The following FRMPD4 variants were observed in gnomAD, a reference collection of about 807,000 sequenced individuals.
FRMPD4 encodes FERM and PDZ domain-containing protein 4.
In FRMPD4, 22 loss-of-function variants were observed where a neutral mutation model predicts 94.1. The ratio of observed to expected loss-of-function variants is 0.23; its 90% CI spans 0.17 to 0.33. The LOEUF (loss-of-function observed/expected upper bound fraction) is 0.33. Among genes scored for constraint, FRMPD4 ranks in the 10% least tolerant of loss-of-function variants. The pLI, the probability that FRMPD4 is intolerant of heterozygous loss-of-function variation, is 1.00. For missense variants in FRMPD4, 1,111 were observed against 1,339.9 expected (o/e 0.83, Z 2.67); for synonymous variants, 631 against 548.6 (o/e 1.15, Z -2.10).
intron 1 of FRMPD4, among the ~76,000 whole-genome samples, chrX:12,383,631 G>A (rs893689549): frequency 2.7e-5 from 3 of 111,556 alleles, no homozygotes; most frequent in Admixed American, 9.5e-5. Flanking sequence ...AGTTCAGCAC[G>A]ACGCCTAGCA....
At chrX:11,886,211 T>A (rs1365119117) in intron 3 of FRMPD4, among the ~76,000 whole-genome samples, 4 of 111,691 alleles carry the variant, frequency 3.6e-5, no homozygotes, top group Non-Finnish European at 7.5e-5. Flanking sequence ...TCCATTAATC[T>A]GTACTACCTA....
At chrX:12,054,535 T>C (rs1003013329) in intron 3 of FRMPD4, among the ~76,000 whole-genome samples, 89 of 111,501 alleles carry the variant, frequency 8.0e-4, no homozygotes, top group African/African-American at 2.7e-3. Context: ...TCTTTCCATT[T>C]TCCTTCCATA....
chrX:12,143,142 A>G (rs1255093131), intron 1 of FRMPD4, among the ~76,000 whole-genome samples: 12 of 112,138 alleles, frequency 1.1e-4, no homozygotes, highest in Non-Finnish European at 1.9e-5. Context: ...TTGTTTAAGC[A>G]TACCGTCCTG....
chrX:11,860,339 G>A (rs192208832), intron 1 of FRMPD4, among the ~76,000 whole-genome samples: 323 of 111,862 alleles, frequency 2.9e-3, no homozygotes, highest in Non-Finnish European at 4.7e-3. Flanking sequence ...TCATCTATGG[G>A]ATCTTGGCCT....
intron 2 of FRMPD4, among the ~76,000 whole-genome samples, chrX:12,552,695 TGTAAA>T (rs954450814): frequency 1.1e-4 from 12 of 112,337 alleles, no homozygotes; most frequent in African/African-American, 3.9e-4. Flanking sequence ...TCTATAACTA[TGTAAA>T]GTATTTACCT....
chrX:12,340,663 T>TA (rs67239524), intron 1 of FRMPD4, among the ~76,000 whole-genome samples: 7 of 111,172 alleles, frequency 6.3e-5, no homozygotes, highest in South Asian at 3.8e-4. Context: ...ATTTTAAAGA[T>TA]AAAAAAAATT....
intron 5 of FRMPD4, 37 bp downstream of exon 5, chrX:12,674,945 C>T: frequency 1.1e-6 from 1 of 913,074 alleles, no homozygotes; most frequent in Non-Finnish European, 1.6e-6. Flanking sequence ...ACTTAATGTT[C>T]TCAGGCTTCT....
intron 1 of FRMPD4, among the ~76,000 whole-genome samples, chrX:12,484,038 G>A (rs2057715572): frequency 9.0e-6 from 1 of 111,497 alleles, no homozygotes; most frequent in Non-Finnish European, 1.9e-5. Context: ...GACAGTAAGT[G>A]AATGAAATGC....
At chrX:12,290,249 A>T (rs923190592) in intron 1 of FRMPD4, among the ~76,000 whole-genome samples, 6 of 112,126 alleles carry the variant, frequency 5.4e-5, no homozygotes, top group African/African-American at 1.9e-4. Flanking sequence ...TGACTGATTT[A>T]GTCTGAGCCT....
rs184728424 is a variant in FRMPD4 at position 11,941,885 on chromosome X, T to C, written c.95+63867T>C. ...ACACTAGCTTCTAAGCCAGTGTTTG[T>C]GAGGCTAATAGGAGTCTTGTCAGTT... is the stretch of plus-strand genomic sequence containing the variant. On this transcript the variant is annotated intron_variant, in intron 3 of 18. Transcript: ENST00000640291. 3.5e-3 allele frequency among the ~76,000 whole-genome samples: 390 copies of C among 112,101 alleles called. 1 individual carries two copies. The highest frequency in any genetic ancestry group is 0.012 in the African/African-American group (378 of 30,839).
intron 1 of FRMPD4, among the ~76,000 whole-genome samples, chrX:12,234,833 C>T (rs2057053846): frequency 8.9e-6 from 1 of 112,054 alleles, no homozygotes; most frequent in South Asian, 3.7e-4. Flanking sequence ...GGATTGGACA[C>T]TGCTGGGGAG....
chrX:12,265,670 G>A lies in FRMPD4; in HGVS notation c.41+126658G>A, dbSNP rs1205770803. On this transcript the variant is annotated intron_variant, in intron 1 of 16. Coordinates refer to ENST00000675598, the MANE Select transcript of FRMPD4 (RefSeq NM_001368397.1). Reference sequence around the variant, plus strand: ...TAAGCAATATAAACAAATATGTCATGTGGATAGATGTTCCAATAATACTGT... The same window carrying A: ...TAAGCAATATAAACAAATATGTCATATGGATAGATGTTCCAATAATACTGT... Among the ~76,000 whole-genome samples, 7 of 109,213 alleles carry A rather than the reference G, an allele frequency of 6.4e-5. No individual in the cohort carries two copies. In the Admixed American group the frequency reaches 6.9e-4, roughly 11 times the overall value. The allele number at this position is 109,213 out of a possible 115,157, so 94.8% of individuals were successfully genotyped here.
intron 3 of FRMPD4, among the ~76,000 whole-genome samples, chrX:12,093,418 T>C (rs529286106): frequency 2.7e-5 from 3 of 110,397 alleles, no homozygotes; most frequent in East Asian, 5.7e-4. Context: ...TACTTGGGGG[T>C]TAGAAGAGTT....
chrX:11,954,324 T>C (rs374648802), intron 3 of FRMPD4, among the ~76,000 whole-genome samples: 1 of 111,647 alleles, frequency 9.0e-6, no homozygotes, highest in African/African-American at 3.3e-5. Context: ...GATGCAAGAG[T>C]TGGAACTGAA....
chrX:12,178,437 A>G (rs1005960101), intron 1 of FRMPD4, among the ~76,000 whole-genome samples: 1 of 111,927 alleles, frequency 8.9e-6, no homozygotes, highest in African/African-American at 3.2e-5. Context: ...ATGATCACAA[A>G]GTTTTTTATA....
intron 3 of FRMPD4, among the ~76,000 whole-genome samples, chrX:11,981,194 A>G (rs974380145): frequency 1.2e-4 from 13 of 112,315 alleles, no homozygotes; most frequent in African/African-American, 3.9e-4. Context: ...GTATTTTCCA[A>G]TTATTGAGTA....
At chrX:12,392,514 G>A (rs763431984) in intron 1 of FRMPD4, among the ~76,000 whole-genome samples, 15 of 108,878 alleles carry the variant, frequency 1.4e-4, no homozygotes, top group Non-Finnish European at 2.1e-4. Flanking sequence ...TTAGCCCGGC[G>A]TGGCGGTGCT....
intron 1 of FRMPD4, among the ~76,000 whole-genome samples, chrX:12,478,216 G>A (rs952568034): frequency 2.7e-5 from 3 of 111,865 alleles, no homozygotes; most frequent in Admixed American, 9.5e-5. Flanking sequence ...GAGTAGGCCA[G>A]GATGTTGGTT....
At chrX:12,206,454 A>T (rs186077874) in intron 1 of FRMPD4, among the ~76,000 whole-genome samples, 21 of 111,984 alleles carry the variant, frequency 1.9e-4, no homozygotes, top group African/African-American at 5.2e-4. Flanking sequence ...ACACAGACCC[A>T]TCTTTCCAAA....
Sources: gnomAD v4.1 joint callset for allele counts (sites outside exome capture counted in the v4.1 genomes callset) on GRCh38, gnomAD v4.1.1 for gene constraint, MANE v1.5 for transcripts, NCBI Gene and HGNC (gene_info 2026-07-23, HGNC 2026-07-21) for gene names.